IGF2R: variants seen among roughly 807,000 people sequenced by gnomAD.
The protein encoded by IGF2R is cation-independent mannose-6-phosphate receptor.
A neutral mutation model predicts 270.6 loss-of-function variants in IGF2R; 91 were observed. The observed-to-expected ratio is 0.34, with a 90% CI of 0.28 to 0.40. IGF2R has a LOEUF of 0.40. Among genes scored for constraint, IGF2R ranks in the 10% least tolerant of loss-of-function variants. IGF2R has a pLI of 1.00. For synonymous variants in IGF2R, 1,316 were observed against 1,258.9 expected, an observed-to-expected ratio of 1.05 and a Z score of -0.96; for missense variants, 2,805 against 3,188.3, an observed-to-expected ratio of 0.88 and a Z score of 2.90.
intron 45 of IGF2R, among the ~76,000 whole-genome samples, chr6:160,096,976 G>A (rs1779375344): frequency 6.6e-6 from 1 of 152,218 alleles, no homozygotes; most frequent in Admixed American, 6.5e-5. Context: ...CTCCTGGGAG[G>A]CAAGTACTGG....
At chr6:160,045,610 G>A (rs1778051215) in intron 13 of IGF2R, 135 bp from the exon 14 acceptor site, 13 of 1,047,686 alleles carry the variant, frequency 1.2e-5, no homozygotes, top group Non-Finnish European at 1.8e-5. Flanking sequence ...TTGTAGGGCT[G>A]TTTTTTGACC....
chr6:160,015,413 G>T (rs924229434), intron 4 of IGF2R, among the ~76,000 whole-genome samples: 2 of 152,044 alleles, frequency 1.3e-5, no homozygotes, highest in East Asian at 1.9e-4. Context: ...TTTTTACTCT[G>T]GGGGGGATTC....
intron 3 of IGF2R, among the ~76,000 whole-genome samples, chr6:160,009,468 A>G (rs1242485052): frequency 6.6e-6 from 1 of 152,098 alleles, no homozygotes; most frequent in Non-Finnish European, 1.5e-5. Flanking sequence ...TCATTTTGAT[A>G]GGTTTTAGGG....
At chr6:160,101,518 C>T (rs993359954) in intron 45 of IGF2R, among the ~76,000 whole-genome samples, 2 of 152,242 alleles carry the variant, frequency 1.3e-5, no homozygotes, top group African/African-American at 2.4e-5. Context: ...ACTTTGAGAG[C>T]GGCAGCCCTT....
At chr6:160,074,474 A>T (rs1365582440) in intron 35 of IGF2R, among the ~76,000 whole-genome samples, 2 of 152,222 alleles carry the variant, frequency 1.3e-5, no homozygotes, top group African/African-American at 4.8e-5. Flanking sequence ...TAGAGATGGG[A>T]GTATTGCTAT....
chr6:160,098,792 C>T (rs1779421156), intron 45 of IGF2R, among the ~76,000 whole-genome samples: 1 of 152,156 alleles, frequency 6.6e-6, no homozygotes, highest in African/African-American at 2.4e-5. Flanking sequence ...GTACTGCAGC[C>T]TGGGTGACAG....
intron 46 of IGF2R, among the ~76,000 whole-genome samples, chr6:160,103,482 A>G (rs557122115): frequency 6.6e-6 from 1 of 152,260 alleles, no homozygotes; most frequent in South Asian, 2.1e-4. Flanking sequence ...GTCATGTGAA[A>G]AAGTCCTTGC....
chr6:160,075,211 T>G (rs920811), intron 35 of IGF2R, among the ~76,000 whole-genome samples: 69,311 of 152,084 alleles, frequency 0.46, 16,588 homozygotes, highest in East Asian at 0.67. Context: ...AAAGAGTTTT[T>G]TGTTTTTTTT....
At position 160,061,889 on chromosome 6, in the gene IGF2R, C is replaced by T. The variant is rs762520466; in HGVS notation, c.3543C>T (p.Arg1181=). ...YVNGDKCGNQ[R]FSTRITFECA... ...ACGGTGACAAGTGTGGGAACCAGCG[C>T]TTCTCCACCAGGATCACGTTTGAGT... is the stretch of plus-strand genomic sequence containing the variant. Residue 1181 remains arginine (R), a synonymous_variant, in exon 25 of 48, where the codon CGC becomes CGT. Transcript: ENST00000356956. 2.5e-6 allele frequency: 4 copies of T among 1,614,140 alleles called. No homozygotes were observed. Among genetic ancestry groups the T allele is most frequent in the Admixed American group, 3.3e-5 (2 of 60,022 alleles).
At position 159,998,884 on chromosome 6, in the gene IGF2R, A is replaced by G. The variant is rs1784088815; in HGVS notation, c.289+7561A>G. ...ATTCATGTGCTAGGCCTAATGTTTA[A>G]AAGTAAAATATCTCATTTAATTCAT... is the stretch of plus-strand genomic sequence containing the variant. On this transcript the variant is annotated intron_variant, in intron 2 of 47. Transcript: ENST00000356956. The surrounding 1 kb of genome is among the most constrained non-coding windows in gnomAD (Gnocchi z 4.1). Among the ~76,000 whole-genome samples, 1 of 152,218 alleles carries G rather than the reference A, an allele frequency of 6.6e-6. No individual in the cohort carries two copies. Among genetic ancestry groups the G allele is most frequent in the African/African-American group, 2.4e-5 (1 of 41,440 alleles).
intron 11 of IGF2R, 84 bp from the exon 12 acceptor site, chr6:160,043,064 A>C (rs894972094): frequency 6.8e-7 from 1 of 1,472,202 alleles, no homozygotes; most frequent in African/African-American, 1.4e-5. Flanking sequence ...TGAGCCCTTG[A>C]CTTTTGGCTT....
chr6:160,056,429 C>T lies in IGF2R; in HGVS notation c.2700C>T (p.Ser900=). Residue 900 remains serine (S), a synonymous_variant, in exon 20 of 48, where the codon AGC becomes AGT. Coordinates refer to ENST00000356956, the MANE Select transcript of IGF2R (RefSeq NM_000876.4). ...CCCTGGATTTGCCCATTCAGAACAG[C>T]CACCCCATCTTTTCTCTCAACTGGG... The part of the protein sequence containing the change: ...HLVCSRGRLN[S]HPIFSLNWEC... 2 of 1,611,860 alleles carry T rather than the reference C, an allele frequency of 1.2e-6. No homozygotes were observed. Among genetic ancestry groups the T allele is most frequent in the Non-Finnish European group, 1.7e-6 (2 of 1,177,912 alleles).
Position 160,063,588 on chromosome 6 carries a change from T to G in IGF2R, c.3844T>G (p.Cys1282Gly). 3 of 1,614,236 alleles carry G rather than the reference T, an allele frequency of 1.9e-6. No homozygotes were observed. Among genetic ancestry groups the G allele is most frequent in the Non-Finnish European group, 2.5e-6 (3 of 1,180,030 alleles). ...TSDKSKVVSS[C>G]QEKREPQGFH... is the part of the protein sequence containing the mutation. ...TGACAAGTCCAAGGTGGTCTCCTCATGTCAGGAAAAGCGGGAACCGCAGGG... is the reference window on the plus strand; with the variant it reads ...TGACAAGTCCAAGGTGGTCTCCTCAGGTCAGGAAAAGCGGGAACCGCAGGG... The change falls in exon 27 of 48, where the codon TGT becomes GGT. Residue 1282 changes from cysteine (C) to glycine (G), a missense_variant. Physicochemically the swap from Cys to Gly is radical, Grantham distance 159. Transcript: ENST00000356956.
Position 160,044,634 on chromosome 6 carries a change from A to G in IGF2R, c.1742A>G (p.Asn581Ser), listed in dbSNP as rs756827708. 2 of 1,607,160 alleles carry G rather than the reference A, an allele frequency of 1.2e-6. No individual in the cohort carries two copies. The highest frequency in any genetic ancestry group is 1.7e-5 in the Admixed American group (1 of 58,404). Reference protein sequence around the residue: ...DCGHGKKIKTNITLVCKPGDL... With the variant: ...DCGHGKKIKTSITLVCKPGDL... Reference sequence around the variant, plus strand: ...GGTCATGGCAAGAAAATTAAAACTAATATCACACTTGTATGCAAGCCAGGT... The same window carrying G: ...GGTCATGGCAAGAAAATTAAAACTAGTATCACACTTGTATGCAAGCCAGGT... Residue 581 changes from asparagine to serine, a missense_variant, in exon 13 of 48, where the codon AAT becomes AGT. By Grantham distance (46) the Asn-to-Ser change is conservative. Coordinates refer to ENST00000356956, the MANE Select transcript of IGF2R (RefSeq NM_000876.4).
At position 160,024,712 on chromosome 6, in the gene IGF2R, T is replaced by C; in HGVS notation, c.646+8T>C. On this transcript the variant is annotated splice_region_variant and intron_variant, in intron 5 of 47. Coordinates refer to ENST00000356956, the MANE Select transcript of IGF2R (RefSeq NM_000876.4). ...ATGTTTGTAGAGACATAGGTATGAA[T>C]CTTTGTGGGGCTGAGGGGGTGGTGG... is the stretch of plus-strand genomic sequence containing the variant. The C allele has an allele frequency of 6.2e-7, 1 of 1,613,976 alleles. No individual in the cohort carries two copies. The highest frequency in any genetic ancestry group is 8.5e-7 in the Non-Finnish European group (1 of 1,179,872).
intron 21 of IGF2R, among the ~76,000 whole-genome samples, chr6:160,058,575 A>C (rs1554245300): frequency 6.6e-6 from 1 of 152,222 alleles, no homozygotes; most frequent in Non-Finnish European, 1.5e-5. Context: ...ACTTTCTCAT[A>C]ATTGAAAATA....
chr6:160,018,353 T>TA (rs1446733213), intron 4 of IGF2R, among the ~76,000 whole-genome samples: 1 of 152,102 alleles, frequency 6.6e-6, no homozygotes, highest in Non-Finnish European at 1.5e-5. Flanking sequence ...ACAAGATTCA[T>TA]AAAACAACTG....
Position 160,064,383 on chromosome 6 carries a change from T to C in IGF2R, c.3887-18T>C, listed in dbSNP as rs763112212. The C allele has an allele frequency of 1.3e-5, 21 of 1,614,068 alleles. No homozygotes were observed. Among genetic ancestry groups the C allele is most frequent in the Admixed American group, 1.7e-5 (1 of 60,010 alleles). ...GGGACCCGAACCAAACCTTGTTTAA[T>C]GTTCTCCTTCTTTACAGGTCTCCTG... is the stretch of plus-strand genomic sequence containing the variant. On this transcript the variant is annotated intron_variant, in intron 27 of 47. Transcript: ENST00000356956.
At chr6:159,982,714 T>C (rs1243120797) in intron 1 of IGF2R, among the ~76,000 whole-genome samples, 2 of 152,236 alleles carry the variant, frequency 1.3e-5, no homozygotes, top group Non-Finnish European at 2.9e-5. Flanking sequence ...TCACAGGGAC[T>C]GAGGAAACTA....
Sources: gnomAD v4.1 joint callset for allele counts (sites outside exome capture counted in the v4.1 genomes callset) on GRCh38, gnomAD v4.1.1 for gene constraint, Gnocchi (gnomAD v3.1) non-coding constraint, MANE v1.5 for transcripts, NCBI Gene and HGNC (gene_info 2026-07-23, HGNC 2026-07-21) for gene names.